PHLDB2: variants seen among roughly 807,000 people sequenced by gnomAD.
PHLDB2 encodes pleckstrin homology-like domain family B member 2.
A neutral mutation model predicts 123.6 loss-of-function variants in PHLDB2; 71 were observed. The observed-to-expected ratio is 0.57, with a 90% CI of 0.47 to 0.70. The LOEUF is 0.70. Among genes scored for constraint, PHLDB2 ranks in the 30% least tolerant of loss-of-function variants. The probability of loss-of-function intolerance (pLI) is 0.00; values close to 1 mark genes in which losing one functional copy is unlikely to be tolerated. For missense variants in PHLDB2, 1,446 were observed against 1,519.5 expected (o/e 0.95, Z 0.80); for synonymous variants, 547 against 541.6 (o/e 1.01, Z -0.14).
At chr3:111,824,882 A>C (rs917189574) in intron 1 of PHLDB2, among the ~76,000 whole-genome samples, 1 of 152,242 alleles carries the variant, frequency 6.6e-6, no homozygotes, top group Non-Finnish European at 1.5e-5. Flanking sequence ...TTATAGGTGC[A>C]TGAATAATTC....
intron 1 of PHLDB2, among the ~76,000 whole-genome samples, chr3:111,823,536 G>A (rs897114305): frequency 6.6e-5 from 10 of 152,170 alleles, no homozygotes; most frequent in African/African-American, 2.4e-4. Flanking sequence ...CAACGGAGTG[G>A]AATCTGCATG....
At chr3:111,802,729 A>C (rs2061423136) in intron 1 of PHLDB2, among the ~76,000 whole-genome samples, 1 of 152,228 alleles carries the variant, frequency 6.6e-6, no homozygotes, top group Non-Finnish European at 1.5e-5. Context: ...TGAGGCAAGC[A>C]TCATGCATTC....
intron 12 of PHLDB2, chr3:111,957,415 A>G (rs1205025387): frequency 6.6e-6 from 1 of 152,622 alleles, no homozygotes; most frequent in Non-Finnish European, 1.5e-5. Flanking sequence ...CACATTTGCA[A>G]GAAACACAAT....
At chr3:111,865,616 C>T (rs1405811977) in intron 1 of PHLDB2, among the ~76,000 whole-genome samples, 1 of 152,030 alleles carries the variant, frequency 6.6e-6, no homozygotes, top group East Asian at 1.9e-4. Context: ...TGACGTGCTC[C>T]AGATCTTAGT....
In PHLDB2 at chr3:111,974,663, CCTTGAG is replaced by C; in HGVS notation, c.*103_*108del. 1 of 1,227,854 alleles carries C rather than the reference CCTTGAG, an allele frequency of 8.1e-7. No individual in the cohort carries two copies. Among genetic ancestry groups the C allele is most frequent in the Non-Finnish European group, 1.1e-6 (1 of 930,810 alleles). The allele number at this position is 1,227,854 out of a possible 1,614,324, so 76.1% of individuals were successfully genotyped here. On this transcript the variant is annotated 3_prime_UTR_variant, in exon 18 of 18. Transcript: ENST00000431670. ...GATGAGAAAACCCAACAGATCCATC[CCTTGAG>C]CTGTAAACACTCAGAACTCCTTTCA...
At chr3:111,832,020 C>T (rs551782432) in intron 1 of PHLDB2, among the ~76,000 whole-genome samples, 1 of 152,280 alleles carries the variant, frequency 6.6e-6, no homozygotes, top group South Asian at 2.1e-4. Context: ...CTTCCCATGA[C>T]ACTGGCTCAT....
intron 12 of PHLDB2, among the ~76,000 whole-genome samples, chr3:111,956,593 G>C (rs959793696): frequency 2.6e-5 from 4 of 152,144 alleles, no homozygotes; most frequent in African/African-American, 9.7e-5. Context: ...AGAGTTTCAT[G>C]TAATTCTGAT....
chr3:111,945,385 A>G (rs777740342), intron 9 of PHLDB2, 28 bp downstream of exon 9: 3 of 1,476,320 alleles, frequency 2.0e-6, no homozygotes, highest in African/African-American at 1.4e-5. Context: ...ATGTCGCTTT[A>G]TGTTGCCTTA....
At chr3:111,757,538 G>A (rs1221520008) in intron 1 of PHLDB2, among the ~76,000 whole-genome samples, 2 of 152,142 alleles carry the variant, frequency 1.3e-5, no homozygotes, top group Non-Finnish European at 2.9e-5. Flanking sequence ...GTAGCTCGGA[G>A]TAGTTTGATC....
rs142225277 is a variant in PHLDB2, at chr3:111,974,491, G to T, written c.3690G>T (p.Ser1230=). 59 of 1,613,472 alleles carry T rather than the reference G, an allele frequency of 3.7e-5. No individual in the cohort carries two copies. In the Admixed American group the frequency reaches 5.5e-4, roughly 15 times the overall value. Residue 1230 remains serine (S), a synonymous_variant, in exon 18 of 18, where the codon TCG becomes TCT. Coordinates refer to ENST00000431670, the MANE Select transcript of PHLDB2 (RefSeq NM_001134438.2). The stretch of plus-strand genomic sequence containing the variant: ...GAATCTATTATATGGTAGCCCCATC[G>T]CCAGAAGCCATGCGGATCTGGATGG... ...HDRIYYMVAP[S]PEAMRIWMDV... is the part of the protein sequence containing the mutation.
At chr3:111,798,850 G>A (rs1184965629) in intron 1 of PHLDB2, among the ~76,000 whole-genome samples, 1 of 152,118 alleles carries the variant, frequency 6.6e-6, no homozygotes, top group South Asian at 2.1e-4. Context: ...CCAGGAAGGT[G>A]AGCTAACATG....
Position 111,962,095 on chromosome 3 carries a change from GCT to G in PHLDB2, c.2873-11_2873-10del, listed in dbSNP as rs2071445774. On this transcript the variant is annotated splice_polypyrimidine_tract_variant and intron_variant, in intron 12 of 17. Transcript: ENST00000431670. ...AATGAGGCAAACTAACATATTTATG[GCT>G]CCTTCCTTAGGTTATAATCACCAAC... The G allele has an allele frequency of 1.3e-6, 2 of 1,573,064 alleles. No homozygotes were observed. The highest frequency in any genetic ancestry group is 1.7e-6 in the Non-Finnish European group (2 of 1,168,136).
At chr3:111,967,498 A>T (rs2071854445) in intron 14 of PHLDB2, among the ~76,000 whole-genome samples, 180 bp from the exon 15 acceptor site, 1 of 152,206 alleles carries the variant, frequency 6.6e-6, no homozygotes, top group Admixed American at 6.5e-5. Context: ...TCTGCAGATG[A>T]TGATTTTGGA....
At chr3:111,940,496 C>G in intron 7 of PHLDB2, 39 bp from the exon 8 acceptor site, 14 of 1,246,502 alleles carry the variant, frequency 1.1e-5, no homozygotes, top group Non-Finnish European at 1.6e-5. Context: ...CTTTGAGTGT[C>G]TAATGTACAT....
chr3:111,780,321 GGAAGAAGAAGAAGAAGAAGAAGAAGAA>G (rs776116547), intron 1 of PHLDB2, among the ~76,000 whole-genome samples: 22 of 3,676 alleles, frequency 6.0e-3, no homozygotes, highest in Middle Eastern at 0.25. Context: ...AAGAGGAAGA[GGAAGAAGAAGAAGAAGAAGAAGAAGAA>G]GAAGAAGAAG....
chr3:111,904,164 G>A (rs1159478615), intron 2 of PHLDB2, among the ~76,000 whole-genome samples: 1 of 151,812 alleles, frequency 6.6e-6, no homozygotes, highest in Non-Finnish European at 1.5e-5. Context: ...TATAATCCCA[G>A]CTACTCGGGA....
chr3:111,836,673 C>T (rs1237570094), intron 1 of PHLDB2, among the ~76,000 whole-genome samples: 1 of 152,106 alleles, frequency 6.6e-6, no homozygotes, highest in African/African-American at 2.4e-5. Context: ...CTTACAGTTC[C>T]ACATGGCTGA....
At chr3:111,773,810 G>C (rs1029053314) in intron 1 of PHLDB2, among the ~76,000 whole-genome samples, 40 of 152,172 alleles carry the variant, frequency 2.6e-4, no homozygotes, top group African/African-American at 9.7e-4. Flanking sequence ...TATGAGGCCA[G>C]GTCTTATTGG....
intron 1 of PHLDB2, among the ~76,000 whole-genome samples, chr3:111,805,417 T>G (rs972146724): frequency 6.6e-6 from 1 of 151,416 alleles, no homozygotes; most frequent in Non-Finnish European, 1.5e-5. Context: ...AAAAATTAGC[T>G]GGGCATGGTG....
Sources: gnomAD v4.1 joint callset for allele counts (sites outside exome capture counted in the v4.1 genomes callset) on GRCh38, gnomAD v4.1.1 for gene constraint, MANE v1.5 for transcripts, NCBI Gene and HGNC (gene_info 2026-07-23, HGNC 2026-07-21) for gene names.